The following VAPA variants were observed in gnomAD, a reference collection of about 807,000 sequenced individuals.
VAPA encodes vesicle-associated membrane protein-associated protein A.
In VAPA, 6 loss-of-function variants were observed where a neutral mutation model predicts 25.6. That is an observed-to-expected ratio of 0.23 (90% CI 0.13 to 0.46). The LOEUF is 0.46. VAPA is among the 20% of genes least tolerant of loss of function. The pLI is 0.99. For missense variants in VAPA, 244 were observed against 302.1 expected (o/e 0.81, Z 1.43); for synonymous variants, 112 against 106.2 (o/e 1.05, Z -0.34).
chr18:9,939,162 A>G (rs1255885697), intron 4 of VAPA, among the ~76,000 whole-genome samples: 2 of 151,834 alleles, frequency 1.3e-5, no homozygotes, highest in Non-Finnish European at 2.9e-5. Flanking sequence ...AATAAAGTCC[A>G]AATAGTTCTT....
At position 9,914,070 on chromosome 18, in the gene VAPA, G is replaced by A; in HGVS notation, c.-187G>A. The A allele has an allele frequency of 3.8e-6, 2 of 525,248 alleles. No homozygotes were observed. The highest frequency in any genetic ancestry group is 2.3e-5 in the South Asian group (1 of 43,032). 32.5% of individuals were successfully genotyped at this position (525,248 alleles called of 1,614,324 possible). ...GCTGGTGTGGGGTTGAGTCAGTTGT[G>A]GGACCCGGAGCTGCTGACCCAGCGG... On this transcript the variant is annotated 5_prime_UTR_variant, in exon 1 of 6. Coordinates refer to ENST00000400000, the MANE Select transcript of VAPA (RefSeq NM_194434.3).
rs1489048640 is a variant in VAPA at position 9,924,366 on chromosome 18, C to CT, written c.80-7443dup. Among the ~76,000 whole-genome samples the CT allele has an allele frequency of 2.6e-5, 4 of 152,118 alleles. No homozygotes were observed. In the East Asian group the frequency reaches 7.7e-4, roughly 29 times the overall value. On this transcript the variant is annotated intron_variant, in intron 1 of 5. Coordinates refer to ENST00000400000, the MANE Select transcript of VAPA (RefSeq NM_194434.3). Reference sequence around the variant, plus strand: ...CTAATTTCACGTTCATTCTTGAACACTAACATTGTTCTTTTACAAATAATT... The same window carrying CT: ...CTAATTTCACGTTCATTCTTGAACACTTAACATTGTTCTTTTACAAATAATT...
intron 1 of VAPA, among the ~76,000 whole-genome samples, chr18:9,927,846 T>C (rs2069214689): frequency 6.6e-6 from 1 of 152,114 alleles, no homozygotes; most frequent in Non-Finnish European, 1.5e-5. Flanking sequence ...TTTGGCTTAA[T>C]GGCAGTGACA....
At chr18:9,953,498 A>G (rs2069511051) in intron 5 of VAPA, among the ~76,000 whole-genome samples, 1 of 152,154 alleles carries the variant, frequency 6.6e-6, no homozygotes, top group African/African-American at 2.4e-5. Flanking sequence ...AAATTCTGTG[A>G]TACCATATCT....
At chr18:9,914,956 C>G (rs560032182) in intron 1 of VAPA, 1 of 152,224 alleles carries the variant, frequency 6.6e-6, no homozygotes, top group Admixed American at 6.5e-5. Flanking sequence ...CGCTTGTCAC[C>G]TTTCCGCCAG....
intron 2 of VAPA, among the ~76,000 whole-genome samples, chr18:9,932,619 T>C (rs1178670379): frequency 6.6e-6 from 1 of 152,146 alleles, no homozygotes; most frequent in African/African-American, 2.4e-5. Context: ...AGCTGAGAAA[T>C]AGGAAATAGG....
chr18:9,942,987 A>G (rs769535511), intron 4 of VAPA, among the ~76,000 whole-genome samples: 5 of 152,136 alleles, frequency 3.3e-5, no homozygotes, highest in African/African-American at 7.2e-5. Context: ...TGATCTTTTT[A>G]TGGATGCTGT....
intron 1 of VAPA, chr18:9,914,701 G>A (rs2069096613): frequency 6.6e-6 from 1 of 151,624 alleles, no homozygotes; most frequent in Non-Finnish European, 1.5e-5. Flanking sequence ...TGGCCCCAGA[G>A]GCCGACGGCG....
intron 5 of VAPA, among the ~76,000 whole-genome samples, chr18:9,952,382 C>A (rs762398300): frequency 2.0e-5 from 3 of 152,046 alleles, no homozygotes; most frequent in Non-Finnish European, 2.9e-5. Flanking sequence ...GCCTGGCCAA[C>A]GTGGTGAAAC....
chr18:9,937,109 T>C (rs1414951581), intron 4 of VAPA, 43 bp downstream of exon 4: 4 of 1,503,608 alleles, frequency 2.7e-6, no homozygotes, highest in Non-Finnish European at 3.7e-6. Flanking sequence ...TGTTGAGCTC[T>C]CAGTTCCTTT....
At chr18:9,928,540 A>G (rs2069222265) in intron 1 of VAPA, among the ~76,000 whole-genome samples, 3 of 152,124 alleles carry the variant, frequency 2.0e-5, no homozygotes, top group African/African-American at 2.4e-5. Context: ...TACATTTTCA[A>G]TTAGTGAAGC....
intron 1 of VAPA, among the ~76,000 whole-genome samples, chr18:9,924,338 G>A (rs1316854839): frequency 3.3e-5 from 5 of 152,116 alleles, no homozygotes; most frequent in Non-Finnish European, 1.5e-5. Context: ...TAAGTAGCAT[G>A]CACTAATTTC....
intron 2 of VAPA, among the ~76,000 whole-genome samples, chr18:9,934,003 A>T (rs536323370): frequency 6.6e-6 from 1 of 152,334 alleles, no homozygotes; most frequent in South Asian, 2.1e-4. Context: ...GTATCAAAAC[A>T]CTTTCTCCCA....
chr18:9,927,424 A>C (rs991135654), intron 1 of VAPA, among the ~76,000 whole-genome samples: 2 of 151,886 alleles, frequency 1.3e-5, no homozygotes, highest in African/African-American at 4.8e-5. Flanking sequence ...AGTAGTTCAC[A>C]TCAAAATATG....
intron 4 of VAPA, among the ~76,000 whole-genome samples, chr18:9,942,873 C>G (rs1232463444): frequency 1.3e-5 from 2 of 152,096 alleles, no homozygotes; most frequent in Non-Finnish European, 2.9e-5. Context: ...CAGGTTCCAC[C>G]TCCAACACTG....
chr18:9,931,648 C>T (rs943520141), intron 1 of VAPA, 162 bp from the exon 2 acceptor site: 4 of 508,270 alleles, frequency 7.9e-6, no homozygotes, highest in Admixed American at 8.1e-5. Flanking sequence ...GTTTTTAAGT[C>T]TGCCACCTCG....
chr18:9,948,836 A>ATT (rs1436847267), intron 4 of VAPA: 2 of 152,336 alleles, frequency 1.3e-5, no homozygotes, highest in Non-Finnish European at 2.9e-5. Context: ...AAGTGTTGGG[A>ATT]TTACAGACAT....
At chr18:9,945,359 T>G (rs1197183680) in intron 4 of VAPA, among the ~76,000 whole-genome samples, 1 of 122,026 alleles carries the variant, frequency 8.2e-6, no homozygotes, top group Non-Finnish European at 1.7e-5. Flanking sequence ...TCTTTTTTTT[T>G]TTTTTTTTTT....
intron 1 of VAPA, among the ~76,000 whole-genome samples, chr18:9,918,854 T>C (rs1220320140): frequency 6.6e-6 from 1 of 152,234 alleles, no homozygotes; most frequent in East Asian, 1.9e-4. Context: ...AAACTCAAAA[T>C]ATCTCAAAAT....
Sources: gnomAD v4.1 joint callset for allele counts (sites outside exome capture counted in the v4.1 genomes callset) on GRCh38, gnomAD v4.1.1 for gene constraint, MANE v1.5 for transcripts, NCBI Gene and HGNC (gene_info 2026-07-23, HGNC 2026-07-21) for gene names.